The following UQCC6 variants were observed in gnomAD, a reference collection of about 807,000 sequenced individuals.
The protein encoded by UQCC6 is protein BRAWNIN.
the UQCC6 span, among the ~76,000 whole-genome samples, chr12:103,962,533 G>T: frequency 2.0e-5 from 3 of 152,116 alleles, no homozygotes; most frequent in Non-Finnish European, 4.4e-5. Context: ...GCTAAAACAG[G>T]GAAGAGGTGG....
At chr12:103,962,127 C>T in the UQCC6 span, among the ~76,000 whole-genome samples, 1 of 152,114 alleles carries the variant, frequency 6.6e-6, no homozygotes, top group Admixed American at 6.5e-5. Context: ...CTTCTATTTT[C>T]TTTGGTGATG....
chr12:103,955,304 G>A, the UQCC6 span, among the ~76,000 whole-genome samples: 1 of 151,512 alleles, frequency 6.6e-6, no homozygotes, highest in African/African-American at 2.4e-5. Flanking sequence ...GTGACAGAGT[G>A]AGACTGTGTC....
chr12:103,954,887 T>C, the UQCC6 span: 1 of 695,372 alleles, frequency 1.4e-6, no homozygotes, highest in South Asian at 1.5e-5. Flanking sequence ...AACAGAAAGC[T>C]TGGGCTTCAG....
chr12:103,957,990 ATATTTATAATATATATT>A, the UQCC6 span, among the ~76,000 whole-genome samples: 912 of 141,758 alleles, frequency 6.4e-3, 10 homozygotes, highest in Middle Eastern at 0.018. Context: ...ATATATTTAT[ATATTTATAATATATATT>A]TATTTTTAAT....
chr12:103,953,630 C>A, the UQCC6 span: 3 of 696,608 alleles, frequency 4.3e-6, no homozygotes, highest in Non-Finnish European at 7.9e-6. Context: ...ATAAAGCACA[C>A]TGCTTTCAAC....
chr12:103,961,156 A>C, the UQCC6 span, among the ~76,000 whole-genome samples: 2 of 5,706 alleles, frequency 3.5e-4, no homozygotes, highest in East Asian at 4.1e-3. Context: ...TTGTGTCTTA[A>C]GTTTTTCACA....
the UQCC6 span, chr12:103,951,754 A>T: frequency 1.7e-6 from 1 of 580,786 alleles, no homozygotes; most frequent in Non-Finnish European, 3.1e-6. Flanking sequence ...CTACTCAATG[A>T]TAACTCTTTA....
At chr12:103,957,996 A>AATATATATTTATATATTTT in the UQCC6 span, among the ~76,000 whole-genome samples, 17 of 143,068 alleles carry the variant, frequency 1.2e-4, no homozygotes, top group African/African-American at 2.3e-4. Flanking sequence ...TTATATATTT[A>AATATATATTTATATATTTT]TAATATATAT....
chr12:103,962,039 A>G, the UQCC6 span, among the ~76,000 whole-genome samples: 13,440 of 152,220 alleles, frequency 0.088, 783 homozygotes, highest in East Asian at 0.31. Flanking sequence ...GTGGAAGTAC[A>G]CTCTGTAACA....
the UQCC6 span, among the ~76,000 whole-genome samples, chr12:103,963,198 T>A: frequency 6.6e-6 from 1 of 151,864 alleles, no homozygotes; most frequent in African/African-American, 2.4e-5. Flanking sequence ...CCCAGCCTCC[T>A]GAGTAGCTGG....
chr12:103,965,483 C>T, the UQCC6 span: 1 of 152,592 alleles, frequency 6.6e-6, no homozygotes, highest in South Asian at 2.1e-4. Flanking sequence ...CCAGGTTTTC[C>T]ACTTTCAAAG....
the UQCC6 span, among the ~76,000 whole-genome samples, chr12:103,962,469 G>A: frequency 6.6e-6 from 1 of 152,094 alleles, no homozygotes; most frequent in Non-Finnish European, 1.5e-5. Context: ...TGAGGCAGGA[G>A]GTGCGACTTG....
the UQCC6 span, chr12:103,956,386 G>A: frequency 7.6e-6 from 3 of 393,518 alleles, no homozygotes; most frequent in Non-Finnish European, 1.4e-5. Context: ...GTAGGCAGCG[G>A]CCAGACTGTG....
the UQCC6 span, chr12:103,950,320 AGAAAGGAAACAGG>A: frequency 1.1e-5 from 1 of 89,642 alleles, no homozygotes; most frequent in South Asian, 3.4e-4. Flanking sequence ...TCAACACCTG[AGAAAGGAAACAGG>A]ACTGAGCAGA....
At chr12:103,952,633 C>A in the UQCC6 span, among the ~76,000 whole-genome samples, 2 of 152,214 alleles carry the variant, frequency 1.3e-5, no homozygotes, top group Admixed American at 6.5e-5. Flanking sequence ...ATATTCCCAT[C>A]AACAATGCGT....
chr12:103,958,715 A>G, the UQCC6 span, among the ~76,000 whole-genome samples: 1 of 152,272 alleles, frequency 6.6e-6, no homozygotes, highest in East Asian at 1.9e-4. Context: ...GGTTGTTTCT[A>G]GTTGTTGGTG....
At chr12:103,958,220 A>G in the UQCC6 span, among the ~76,000 whole-genome samples, 2 of 151,146 alleles carry the variant, frequency 1.3e-5, no homozygotes, top group Non-Finnish European at 2.9e-5. Context: ...CGTCTCAAAA[A>G]AAAAAAAAAG....
At chr12:103,958,491 T>A in the UQCC6 span, among the ~76,000 whole-genome samples, 1 of 152,136 alleles carries the variant, frequency 6.6e-6, no homozygotes. Flanking sequence ...TAATCACAGA[T>A]CTGCTTTCTG....
chr12:103,955,682 T>C, the UQCC6 span: 27 of 428,492 alleles, frequency 6.3e-5, no homozygotes, highest in South Asian at 4.2e-4. Context: ...GAAACACTAA[T>C]GGTTGACTCT....
Sources: gnomAD v4.1 joint callset for allele counts (sites outside exome capture counted in the v4.1 genomes callset) on GRCh38, gnomAD v4.1.1 for gene constraint, MANE v1.5 for transcripts, NCBI Gene and HGNC (gene_info 2026-07-23, HGNC 2026-07-21) for gene names.